Variants in SH2B2 observed in about 807,000 individuals in gnomAD.
SH2B2 encodes the protein SH2B adaptor protein 2.
Under a neutral mutation model 35.7 loss-of-function variants are expected in SH2B2, and 37 were observed. That is an observed-to-expected ratio of 1.04 (90% CI 0.80 to 1.36). The LOEUF (loss-of-function observed/expected upper bound fraction) is 1.36. SH2B2 is among the 40% of genes most tolerant of loss of function. The pLI is 0.00. For synonymous variants in SH2B2, 383 were observed against 376.4 expected (o/e 1.02, Z -0.20); for missense variants, 852 against 817.7 (o/e 1.04, Z -0.51).
chr7:102,309,355 CTTTTTTTTT>C (rs35826295), intron 4 of SH2B2: 5 of 184,144 alleles, frequency 2.7e-5, no homozygotes, highest in East Asian at 1.7e-4. Flanking sequence ...CTCTCTCTCT[CTTTTTTTTT>C]TTTTTTTTTT....
Position 102,317,289 on chromosome 7 carries a change from T to A in SH2B2, c.1289T>A (p.Leu430Gln). 1 of 1,613,702 alleles carries A rather than the reference T, an allele frequency of 6.2e-7. No homozygotes were observed. Among genetic ancestry groups the A allele is most frequent in the Non-Finnish European group, 8.5e-7 (1 of 1,179,626 alleles). The change falls in exon 7 of 9, where the codon CTG becomes CAG. Residue 430 changes from leucine (L) to glutamine (Q), a missense_variant. This residue lies in a region of SH2B2 where 556 missense variants were observed against 514.5 expected (regional missense o/e 1.08). Coordinates refer to ENST00000444095, the MANE Select transcript of SH2B2 (RefSeq NM_001359228.2). Reference protein sequence around the residue: ...GTLSRVKAAQLVLAGGPRNHG... With the variant: ...GTLSRVKAAQQVLAGGPRNHG... ...CTGTCCCGGGTCAAGGCTGCTCAAC[T>A]GGTTCTGGCAGGGGGGCCCCGGAAC...
chr7:102,297,388 C>T lies in SH2B2; in HGVS notation c.-29-3134C>T, dbSNP rs913130489. 1.4e-4 allele frequency among the ~76,000 whole-genome samples: 19 copies of T among 136,752 alleles called. No individual in the cohort carries two copies. Among genetic ancestry groups the T allele is most frequent in the African/African-American group, 5.3e-4 (18 of 34,102 alleles). 89.7% of individuals were successfully genotyped at this position (136,752 alleles called of 152,430 possible). On this transcript the variant is annotated intron_variant, in intron 1 of 8. Transcript: ENST00000444095. The surrounding 1 kb of genome is among the most constrained non-coding windows in gnomAD (Gnocchi z 4.3). Reference sequence around the variant, plus strand: ...CAGCCTCATCAATAGAGTGAGATCCCATCTCTACACACACACACACACACA... The same window carrying T: ...CAGCCTCATCAATAGAGTGAGATCCTATCTCTACACACACACACACACACA...
chr7:102,310,581 C>G (rs1438913143), intron 4 of SH2B2, among the ~76,000 whole-genome samples: 9 of 152,192 alleles, frequency 5.9e-5, no homozygotes, highest in Non-Finnish European at 1.0e-4. Flanking sequence ...GGCAGCCCGA[C>G]AGGCTGAGCA....
At position 102,306,709 on chromosome 7, in the gene SH2B2, T is replaced by C. The variant is rs528016379; in HGVS notation, c.730-12T>C. 7 of 1,569,334 alleles carry C rather than the reference T, an allele frequency of 4.5e-6. No individual in the cohort carries two copies. The highest frequency in any genetic ancestry group is 5.2e-6 in the Non-Finnish European group (6 of 1,155,120). ...TGCTGGGGCCACTCACTATCCTTCT[T>C]CTGGCCCCCAGGCCTCCAGGCCCAA... On this transcript the variant is annotated splice_polypyrimidine_tract_variant and intron_variant, in intron 2 of 8. Transcript: ENST00000444095.
intron 1 of SH2B2, among the ~76,000 whole-genome samples, chr7:102,293,924 A>T (rs2132917221): frequency 6.6e-6 from 1 of 151,890 alleles, no homozygotes; most frequent in South Asian, 2.1e-4. Context: ...ACACCTTGGG[A>T]CCATAGGAGG....
At chr7:102,293,640 G>A (rs1196669026) in intron 1 of SH2B2, among the ~76,000 whole-genome samples, 1 of 152,074 alleles carries the variant, frequency 6.6e-6, no homozygotes, top group South Asian at 2.1e-4. Context: ...TGTCTCCAAC[G>A]CCAGTCCTCA....
intron 4 of SH2B2, among the ~76,000 whole-genome samples, chr7:102,312,075 C>CAA (rs35504215): frequency 2.1e-5 from 2 of 93,274 alleles, no homozygotes; most frequent in African/African-American, 8.0e-5. Context: ...GACTCAGTCT[C>CAA]AAAAAAAAAA....
chr7:102,314,743 A>G (rs1310046526), intron 6 of SH2B2, 61 bp downstream of exon 6: 4 of 398,484 alleles, frequency 1.0e-5, no homozygotes, highest in Non-Finnish European at 1.8e-5. Flanking sequence ...ACCCCCAGCC[A>G]TGGCCACCCA....
At chr7:102,294,954 A>G (rs1227211938) in intron 1 of SH2B2, among the ~76,000 whole-genome samples, 1 of 152,112 alleles carries the variant, frequency 6.6e-6, no homozygotes, top group Non-Finnish European at 1.5e-5. Flanking sequence ...CCAACCTCCC[A>G]GTGCCTCCCA....
rs1554553319 is a variant in SH2B2, at chr7:102,300,515, C to A, written c.-29-7C>A. On this transcript the variant is annotated splice_polypyrimidine_tract_variant and splice_region_variant and intron_variant, in intron 1 of 8. Coordinates refer to ENST00000444095, the MANE Select transcript of SH2B2 (RefSeq NM_001359228.2). ...TGAAAGTCACTGCGCGCTCTTCTCG[C>A]CCGAAGCCGCAGGTGGCTGCGATGG... 6.6e-7 allele frequency: 1 copy of A among 1,526,002 alleles called. No homozygotes were observed. Among genetic ancestry groups the A allele is most frequent in the Non-Finnish European group, 8.8e-7 (1 of 1,140,144 alleles). The allele number at this position is 1,526,002 out of a possible 1,614,324, so 94.5% of individuals were successfully genotyped here. A position where few individuals can be genotyped will look rare whatever the true frequency, so the allele number is the denominator to read the frequency against.
chr7:102,306,089 C>T (rs574628747), intron 2 of SH2B2, among the ~76,000 whole-genome samples: 1 of 151,502 alleles, frequency 6.6e-6, no homozygotes, highest in Admixed American at 6.6e-5. Context: ...CTTTTTGTTT[C>T]GTTTTTTTTT....
intron 4 of SH2B2, chr7:102,309,519 C>A: frequency 3.1e-6 from 1 of 318,950 alleles, no homozygotes; most frequent in South Asian, 2.4e-5. Context: ...TACCACCATG[C>A]GCAGCTAATT....
chr7:102,296,066 T>A (rs1293365595), intron 1 of SH2B2, among the ~76,000 whole-genome samples: 1 of 152,178 alleles, frequency 6.6e-6, no homozygotes, highest in African/African-American at 2.4e-5. Flanking sequence ...AGGAGTCTCC[T>A]AGGAGACCGC....
intron 7 of SH2B2, among the ~76,000 whole-genome samples, 179 bp downstream of exon 7, chr7:102,317,574 C>T (rs1734769): frequency 0.24 from 36,819 of 152,152 alleles, 4,710 homozygotes; most frequent in Admixed American, 0.31. Context: ...GTCCCTCCTA[C>T]ACATCACTGA....
chr7:102,307,259 AG>A (rs1431168490), intron 3 of SH2B2, among the ~76,000 whole-genome samples: 6 of 152,090 alleles, frequency 3.9e-5, no homozygotes, highest in Non-Finnish European at 2.9e-5. Context: ...GGGGGCGGGG[AG>A]GCACCCCGGT....
At chr7:102,306,961 T>A in intron 3 of SH2B2, 139 bp downstream of exon 3, 2 of 682,500 alleles carry the variant, frequency 2.9e-6, no homozygotes, top group Admixed American at 4.6e-5. Context: ...GTGTGGGGGG[T>A]TCCCAGACCC....
chr7:102,293,793 C>A (rs906257445), intron 1 of SH2B2, among the ~76,000 whole-genome samples: 3 of 152,100 alleles, frequency 2.0e-5, no homozygotes, highest in Admixed American at 1.3e-4. Flanking sequence ...CTCCAGCAAT[C>A]CCATTTTACT....
rs782055416 is a variant in SH2B2 at position 102,300,707 on chromosome 7, G to T, written c.157G>T (p.Asp53Tyr). 29 of 1,538,902 alleles carry T rather than the reference G, an allele frequency of 1.9e-5. No individual in the cohort carries two copies. Among genetic ancestry groups the T allele is most frequent in the South Asian group, 2.4e-5 (2 of 83,020 alleles). ...TTTCCTGCGGGACAACCCAGCTTAC[G>T]ACACGCCCGACGCCGGCGCCTCCTT... Reference protein sequence around the residue: ...CRFLRDNPAYDTPDAGASFSR... With the variant: ...CRFLRDNPAYYTPDAGASFSR... The change falls in exon 2 of 9, where the codon GAC becomes TAC. Residue 53 changes from aspartate (D) to tyrosine (Y), a missense_variant. Coordinates refer to ENST00000444095, the MANE Select transcript of SH2B2 (RefSeq NM_001359228.2).
rs1563572867 is a variant in SH2B2 at position 102,321,336 on chromosome 7, G to C, written c.1605G>C (p.Pro535=). The change falls in exon 9 of 9, where the codon CCG becomes CCC. Residue 535 remains proline (P), a synonymous_variant. Transcript: ENST00000444095. ...GPTPPAAPAS[P]ACWSDSPGQH... Reference sequence around the variant, plus strand: ...CGCCCCCTGCCGCGCCCGCGTCCCCGGCCTGCTGGAGCGACTCGCCCGGCC... The same window carrying C: ...CGCCCCCTGCCGCGCCCGCGTCCCCCGCCTGCTGGAGCGACTCGCCCGGCC... 3 of 1,439,380 alleles carry C rather than the reference G, an allele frequency of 2.1e-6. No homozygotes were observed. Among genetic ancestry groups the C allele is most frequent in the East Asian group, 3.1e-5 (1 of 32,436 alleles). 89.2% of individuals were successfully genotyped at this position (1,439,380 alleles called of 1,614,324 possible).
Sources: allele counts gnomAD v4.1 joint callset (sites outside exome capture counted in the v4.1 genomes callset), GRCh38; gene constraint gnomAD v4.1.1; regional missense constraint gnomAD v4.1.1; non-coding constraint Gnocchi (gnomAD v3.1); transcripts MANE v1.5; gene names NCBI Gene and HGNC (gene_info 2026-07-23, HGNC 2026-07-21).